GRID2: variants seen among roughly 807,000 people sequenced by gnomAD.
GRID2 encodes the protein glutamate ionotropic receptor delta type subunit 2, also known as glutamate receptor ionotropic, delta-2.
GRID2 carries 33 observed loss-of-function variants against 114.8 expected under a neutral mutation model. The observed-to-expected ratio is 0.29, with a 90% CI of 0.22 to 0.38. The LOEUF (loss-of-function observed/expected upper bound fraction) is 0.38, where lower values mean the gene tolerates loss of function less well. GRID2 is among the 10% of genes least tolerant of loss of function. The pLI is 1.00. For missense variants in GRID2, 1,184 were observed against 1,257.7 expected, an observed-to-expected ratio of 0.94 and a Z score of 0.89; for synonymous variants, 505 against 449.9, an observed-to-expected ratio of 1.12 and a Z score of -1.55.
intron 4 of GRID2, chr4:93,203,911 A>G (rs971601858): frequency 2.6e-5 from 4 of 152,178 alleles, no homozygotes; most frequent in Non-Finnish European, 5.9e-5. Flanking sequence ...AGTGGCGTAC[A>G]TCACTCGGCT....
At chr4:93,082,457 G>A (rs75215907) in intron 2 of GRID2, among the ~76,000 whole-genome samples, 7,356 of 152,094 alleles carry the variant, frequency 0.048, 285 homozygotes, top group East Asian at 0.2. Context: ...AGAGGGATGC[G>A]CATTTATAAC....
chr4:92,688,875 T>C (rs1734048517), intron 2 of GRID2, among the ~76,000 whole-genome samples: 1 of 152,206 alleles, frequency 6.6e-6, no homozygotes. Context: ...GAAATCACCA[T>C]TTATGGCAGT....
chr4:93,626,486 A>T, intron 14 of GRID2, 51 bp downstream of exon 14: 2 of 1,225,610 alleles, frequency 1.6e-6, no homozygotes, highest in East Asian at 4.9e-5. Context: ...TTAGACAAAG[A>T]ATATCCATTT....
chr4:92,782,351 C>G (rs988015415), intron 2 of GRID2, among the ~76,000 whole-genome samples: 1 of 151,884 alleles, frequency 6.6e-6, no homozygotes, highest in African/African-American at 2.4e-5. Flanking sequence ...TTATTGTCAC[C>G]ATAATTTTAA....
intron 11 of GRID2, among the ~76,000 whole-genome samples, chr4:93,489,749 A>T (rs1278982781): frequency 6.6e-6 from 1 of 151,896 alleles, no homozygotes; most frequent in East Asian, 1.9e-4. Context: ...TTGGTCTAAG[A>T]AATAAAGTAA....
chr4:93,157,518 A>G (rs933654573), intron 4 of GRID2, among the ~76,000 whole-genome samples: 9 of 151,806 alleles, frequency 5.9e-5, no homozygotes, highest in African/African-American at 1.4e-4. Flanking sequence ...TTTGTATTTC[A>G]TAGCTTCGAC....
intron 8 of GRID2, among the ~76,000 whole-genome samples, chr4:93,330,894 A>G (rs1579704625): frequency 6.6e-6 from 1 of 152,180 alleles, no homozygotes; most frequent in South Asian, 2.1e-4. Context: ...AGATTACAGA[A>G]CACAGCAGCT....
At chr4:93,697,976 C>T (rs1727191139) in intron 14 of GRID2, among the ~76,000 whole-genome samples, 2 of 149,896 alleles carry the variant, frequency 1.3e-5, no homozygotes. Context: ...TTTAAAATTA[C>T]TGGATTCTGC....
chr4:92,351,961 A>T (rs1421524144), intron 1 of GRID2, among the ~76,000 whole-genome samples: 1 of 151,874 alleles, frequency 6.6e-6, no homozygotes, highest in African/African-American at 2.4e-5. Flanking sequence ...TGCTACAATA[A>T]ATATGGGGGG....
At chr4:92,780,437 C>G (rs1431640155) in intron 2 of GRID2, among the ~76,000 whole-genome samples, 1 of 152,066 alleles carries the variant, frequency 6.6e-6, no homozygotes, top group Admixed American at 6.6e-5. Flanking sequence ...TTTGTTTTCT[C>G]AAAGTTATCT....
chr4:93,351,562 AG>A (rs1421104772), intron 8 of GRID2, among the ~76,000 whole-genome samples: 1 of 152,066 alleles, frequency 6.6e-6, no homozygotes. Context: ...TTCTCTTTGT[AG>A]GCAAATCTAC....
At chr4:93,295,239 G>A (rs1461199698) in intron 8 of GRID2, among the ~76,000 whole-genome samples, 1 of 152,168 alleles carries the variant, frequency 6.6e-6, no homozygotes, top group Non-Finnish European at 1.5e-5. Context: ...AAATCATGGA[G>A]TGAGTGAAAT....
At chr4:92,477,111 G>C (rs1722359290) in intron 1 of GRID2, among the ~76,000 whole-genome samples, 1 of 145,756 alleles carries the variant, frequency 6.9e-6, no homozygotes, top group African/African-American at 2.5e-5. Context: ...GCTTAGTATT[G>C]TTAGACTATG....
intron 2 of GRID2, among the ~76,000 whole-genome samples, chr4:92,612,337 A>G (rs1729795309): frequency 1.3e-5 from 2 of 151,518 alleles, no homozygotes; most frequent in Admixed American, 6.6e-5. Flanking sequence ...TCTTTATGCT[A>G]GTACCATATT....
intron 14 of GRID2, among the ~76,000 whole-genome samples, chr4:93,766,387 A>G (rs538619000): frequency 6.6e-6 from 1 of 152,318 alleles, no homozygotes; most frequent in Admixed American, 6.5e-5. Context: ...GAAGCCCCTT[A>G]TAAAACCATC....
intron 2 of GRID2, among the ~76,000 whole-genome samples, chr4:92,841,061 T>C (rs559745971): frequency 6.6e-6 from 1 of 152,120 alleles, no homozygotes; most frequent in East Asian, 1.9e-4. Context: ...AGGATATGGA[T>C]GGTTTATGTG....
At chr4:93,177,289 G>T (rs1341249289) in intron 4 of GRID2, among the ~76,000 whole-genome samples, 1 of 152,032 alleles carries the variant, frequency 6.6e-6, no homozygotes, top group Non-Finnish European at 1.5e-5. Context: ...TAGAAGTAAA[G>T]AGACAAACTA....
chr4:92,449,137 C>A (rs1720754337), intron 1 of GRID2, among the ~76,000 whole-genome samples: 1 of 152,032 alleles, frequency 6.6e-6, no homozygotes. Flanking sequence ...GGGTTTTGCT[C>A]CTACATATAG....
intron 13 of GRID2, among the ~76,000 whole-genome samples, chr4:93,524,807 ATATATATGTATGTATG>A (rs1331314705): frequency 2.4e-3 from 181 of 75,928 alleles, no homozygotes; most frequent in South Asian, 5.0e-3. Context: ...ATATATATAT[ATATATATGTATGTATG>A]TATATATATA....
Sources: gnomAD v4.1 joint callset for allele counts (sites outside exome capture counted in the v4.1 genomes callset) on GRCh38, gnomAD v4.1.1 for gene constraint, MANE v1.5 for transcripts, NCBI Gene and HGNC (gene_info 2026-07-23, HGNC 2026-07-21) for gene names.